ARHGEF10L: variants seen among roughly 807,000 people sequenced by gnomAD.
ARHGEF10L encodes Rho guanine nucleotide exchange factor 10 like.
Under a neutral mutation model 141.2 loss-of-function variants are expected in ARHGEF10L, and 69 were observed. That is an observed-to-expected ratio of 0.49 (90% CI 0.40 to 0.60). ARHGEF10L has a LOEUF of 0.60. Ranked by LOEUF, ARHGEF10L falls within the 20% of genes least tolerant of loss-of-function variation. The pLI, the probability that ARHGEF10L is intolerant of heterozygous loss-of-function variation, is 0.00. For missense variants in ARHGEF10L, 1,482 were observed against 1,734.3 expected, an observed-to-expected ratio of 0.85 and a Z score of 2.58; for synonymous variants, 711 against 718.5, an observed-to-expected ratio of 0.99 and a Z score of 0.17.
At chr1:17,593,382 C>T (rs961485104) in intron 4 of ARHGEF10L, among the ~76,000 whole-genome samples, 30 of 152,142 alleles carry the variant, frequency 2.0e-4, no homozygotes, top group Admixed American at 9.8e-4. Flanking sequence ...GAATCTGTGA[C>T]GCTGCGTGGC....
At chr1:17,608,047 G>A (rs916817946) in intron 7 of ARHGEF10L, 70 bp downstream of exon 7, 1 of 1,280,158 alleles carries the variant, frequency 7.8e-7, no homozygotes, top group South Asian at 1.8e-5. Flanking sequence ...GAGGGAGGGA[G>A]GGAGCTGGGT....
intron 3 of ARHGEF10L, 81 bp from the exon 4 acceptor site, chr1:17,588,365 C>A: frequency 2.0e-6 from 3 of 1,530,976 alleles, no homozygotes; most frequent in Admixed American, 1.7e-5. Flanking sequence ...CCTGGGGAGG[C>A]TGGGAAAGGG....
chr1:17,537,944 G>T (rs1229905542), upstream of ARHGEF10L, among the ~76,000 whole-genome samples: 6 of 151,716 alleles, frequency 4.0e-5, no homozygotes, highest in Non-Finnish European at 7.4e-5. Context: ...GCACCACCAT[G>T]CCCGCACCTG....
At chr1:17,645,320 G>A (rs927131610) in intron 21 of ARHGEF10L, among the ~76,000 whole-genome samples, 1 of 152,158 alleles carries the variant, frequency 6.6e-6, no homozygotes. Context: ...CCATTTTCTT[G>A]TAACGTCCCC....
chr1:17,551,824 G>A (rs1371594656), intron 1 of ARHGEF10L, among the ~76,000 whole-genome samples: 3 of 152,174 alleles, frequency 2.0e-5, no homozygotes, highest in East Asian at 3.8e-4. Context: ...GCTGGGACTG[G>A]TCTTCTAACT....
rs368804795 is a variant in ARHGEF10L at position 17,556,072 on chromosome 1, C to T, written c.-44+16122C>T. Among the ~76,000 whole-genome samples, 465 of 100,454 alleles carry T rather than the reference C, an allele frequency of 4.6e-3. 3 individuals carry two copies. Among genetic ancestry groups the T allele is most frequent in the African/African-American group, 0.016 (424 of 25,734 alleles). 65.9% of individuals were successfully genotyped at this position (100,454 alleles called of 152,430 possible). A position where few individuals can be genotyped will look rare whatever the true frequency, so the allele number is the denominator to read the frequency against. On this transcript the variant is annotated intron_variant, in intron 1 of 28. Transcript: ENST00000361221. ...GAGCACGGGGTTGAGCCTGGGAGCA[C>T]GGGGGTGGGCCTGGGAACACAGGGA...
chr1:17,651,782 C>T (rs2061952110), intron 22 of ARHGEF10L, among the ~76,000 whole-genome samples: 1 of 152,152 alleles, frequency 6.6e-6, no homozygotes. Context: ...AGGCGAGTGA[C>T]TCTCTGTGGT....
chr1:17,587,384 C>G, intron 2 of ARHGEF10L, 76 bp from the exon 3 acceptor site: 4 of 1,465,184 alleles, frequency 2.7e-6, no homozygotes, highest in Non-Finnish European at 2.8e-6. Context: ...CCAGCCATGC[C>G]CACCTACCCC....
At chr1:17,591,304 G>C (rs889479743) in intron 4 of ARHGEF10L, among the ~76,000 whole-genome samples, 1 of 151,694 alleles carries the variant, frequency 6.6e-6, no homozygotes, top group Non-Finnish European at 1.5e-5. Flanking sequence ...GTGCAGTGGT[G>C]TGATCATGGC....
the ARHGEF10L span, among the ~76,000 whole-genome samples, chr1:17,514,025 T>A: frequency 1.3e-4 from 20 of 151,186 alleles, no homozygotes; most frequent in Non-Finnish European, 2.4e-4. Context: ...GGTTTCTCCA[T>A]GTTGGTCAGG....
At chr1:17,547,435 G>C (rs2076956611) in intron 1 of ARHGEF10L, among the ~76,000 whole-genome samples, 1 of 152,306 alleles carries the variant, frequency 6.6e-6, no homozygotes, top group East Asian at 1.9e-4. Flanking sequence ...CTCTGTAAAA[G>C]TCCTGGTTCT....
At chr1:17,620,570 GTGGCCAGGCCA>G (rs2060052187) in intron 10 of ARHGEF10L, among the ~76,000 whole-genome samples, 1 of 152,196 alleles carries the variant, frequency 6.6e-6, no homozygotes, top group African/African-American at 2.4e-5. Flanking sequence ...CTGGGACTGT[GTGGCCAGGCCA>G]TGGCCAGGCC....
At chr1:17,663,290 G>C (rs2062749738) in intron 25 of ARHGEF10L, among the ~76,000 whole-genome samples, 1 of 152,160 alleles carries the variant, frequency 6.6e-6, no homozygotes, top group Admixed American at 6.5e-5. Flanking sequence ...GGTGGCTCAT[G>C]CCTGTAATCC....
Position 17,637,988 on chromosome 1 carries a change from G to T in ARHGEF10L, c.2028G>T (p.Leu676=). ...VEQITLLIST[L]HGTYQNLNMT... is the part of the protein sequence containing the mutation. ...AGATCACGCTTCTCATCAGCACGCT[G>T]CACGGCACCTACCAGGTACGTGGCC... The change falls in exon 19 of 29, where the codon CTG becomes CTT. Residue 676 remains leucine (L), a synonymous_variant. Coordinates refer to ENST00000361221, the MANE Select transcript of ARHGEF10L (RefSeq NM_018125.4). 6.3e-7 allele frequency: 1 copy of T among 1,590,166 alleles called. No individual in the cohort carries two copies. The highest frequency in any genetic ancestry group is 8.6e-7 in the Non-Finnish European group (1 of 1,167,894).
At chr1:17,692,942 C>A (rs924915296) in intron 27 of ARHGEF10L, among the ~76,000 whole-genome samples, 10 of 152,132 alleles carry the variant, frequency 6.6e-5, no homozygotes, top group African/African-American at 2.4e-4. Context: ...GGTGTGGCCA[C>A]CTCCGCCTTG....
rs933155537 is a variant in ARHGEF10L, at chr1:17,673,613, C to T, written c.3009+9018C>T. On this transcript the variant is annotated intron_variant, in intron 26 of 28. Transcript: ENST00000361221. This position sits in a 1 kb window ranked among gnomAD's most constrained non-coding sequence, Gnocchi z 4.1. ...CGCTACGCAATGGTCCTCTGTGAGC[C>T]TGGCAGCGGGGTAGCAGGGAAGGTC... is the stretch of plus-strand genomic sequence containing the variant. Among the ~76,000 whole-genome samples the T allele has an allele frequency of 1.3e-5, 2 of 152,188 alleles. No homozygotes were observed. The highest frequency in any genetic ancestry group is 2.9e-5 in the Non-Finnish European group (2 of 68,024).
the ARHGEF10L span, among the ~76,000 whole-genome samples, chr1:17,530,486 A>C: frequency 6.6e-6 from 1 of 152,136 alleles, no homozygotes; most frequent in Non-Finnish European, 1.5e-5. Flanking sequence ...CCCACAAAGG[A>C]TCAGCTGTTA....
intron 21 of ARHGEF10L, 121 bp downstream of exon 21, chr1:17,640,423 G>A: frequency 1.2e-6 from 1 of 811,372 alleles, no homozygotes; most frequent in Non-Finnish European, 1.9e-6. Flanking sequence ...GCTTCTGAGT[G>A]GGAGGGAGGT....
intron 4 of ARHGEF10L, among the ~76,000 whole-genome samples, chr1:17,596,176 G>A (rs928155427): frequency 1.2e-4 from 18 of 152,198 alleles, no homozygotes; most frequent in African/African-American, 4.1e-4. Flanking sequence ...TTCTAGGGGC[G>A]CCCTGCTGAC....
Sources: allele counts gnomAD v4.1 joint callset (sites outside exome capture counted in the v4.1 genomes callset), GRCh38; gene constraint gnomAD v4.1.1; non-coding constraint Gnocchi (gnomAD v3.1); transcripts MANE v1.5; gene names NCBI Gene and HGNC (gene_info 2026-07-23, HGNC 2026-07-21).